The following ARHGAP6 variants were observed in gnomAD, a reference collection of about 807,000 sequenced individuals.
The protein encoded by ARHGAP6 is Rho GTPase activating protein 6.
Under a neutral mutation model 55.7 loss-of-function variants are expected in ARHGAP6, and 16 were observed. The ratio of observed to expected loss-of-function variants is 0.29; its 90% CI spans 0.19 to 0.44. ARHGAP6 has a LOEUF of 0.44. Among genes scored for constraint, ARHGAP6 ranks in the 20% least tolerant of loss-of-function variants. The pLI is 1.00. For missense variants in ARHGAP6, 698 were observed against 808.9 expected (o/e 0.86, Z 1.66); for synonymous variants, 382 against 360.9 (o/e 1.06, Z -0.66).
chrX:11,580,662 G>A (rs751884284), intron 1 of ARHGAP6, among the ~76,000 whole-genome samples: 5 of 111,700 alleles, frequency 4.5e-5, no homozygotes, highest in Non-Finnish European at 7.5e-5. Flanking sequence ...ACAAGTATTC[G>A]AGAAAAAAAG....
intron 1 of ARHGAP6, among the ~76,000 whole-genome samples, chrX:11,572,947 A>G (rs767524345): frequency 8.3e-4 from 93 of 112,149 alleles, no homozygotes; most frequent in South Asian, 7.5e-3. Flanking sequence ...CAGTGATGAT[A>G]CGCATTTTTT....
At chrX:11,234,011 C>T (rs1408845471) in intron 2 of ARHGAP6, among the ~76,000 whole-genome samples, 1 of 112,434 alleles carries the variant, frequency 8.9e-6, no homozygotes, top group African/African-American at 3.2e-5. Flanking sequence ...CGTTTATACA[C>T]ATATGTATTT....
intron 1 of ARHGAP6, among the ~76,000 whole-genome samples, chrX:11,645,090 G>A (rs2052512987): frequency 9.0e-6 from 1 of 111,652 alleles, no homozygotes; most frequent in Admixed American, 9.5e-5. Context: ...GTCTCAAAAG[G>A]CTAAATACTG....
chrX:11,314,092 A>T (rs1241424492), intron 1 of ARHGAP6, among the ~76,000 whole-genome samples: 1 of 112,755 alleles, frequency 8.9e-6, no homozygotes, highest in African/African-American at 3.2e-5. Flanking sequence ...AATACTTGTT[A>T]AGAGAACAAA....
intron 2 of ARHGAP6, among the ~76,000 whole-genome samples, chrX:11,248,132 A>G (rs1274603188): frequency 8.9e-6 from 1 of 111,902 alleles, no homozygotes; most frequent in Non-Finnish European, 1.9e-5. Context: ...CTAAATGGAT[A>G]TACAGGAGGG....
chrX:11,621,130 C>G (rs907378432), intron 1 of ARHGAP6, among the ~76,000 whole-genome samples: 39 of 111,205 alleles, frequency 3.5e-4, no homozygotes, highest in African/African-American at 1.2e-3. Flanking sequence ...GAAGCTCATA[C>G]AGAGAGAGAA....
At chrX:11,297,593 A>G (rs959443410) in intron 1 of ARHGAP6, among the ~76,000 whole-genome samples, 1 of 112,151 alleles carries the variant, frequency 8.9e-6, no homozygotes, top group African/African-American at 3.2e-5. Context: ...CCAAGTATAT[A>G]TACTGTTCAG....
At chrX:11,514,613 T>G (rs1390919304) in intron 1 of ARHGAP6, among the ~76,000 whole-genome samples, 1 of 110,718 alleles carries the variant, frequency 9.0e-6, no homozygotes, top group Non-Finnish European at 1.9e-5. Flanking sequence ...TGGCCTCTTA[T>G]GCCTACTATA....
intron 2 of ARHGAP6, among the ~76,000 whole-genome samples, chrX:11,199,621 A>G (rs2046591345): frequency 8.9e-6 from 1 of 112,650 alleles, no homozygotes; most frequent in Non-Finnish European, 1.9e-5. Context: ...TCCCACAAAT[A>G]TGAGAGTTTA....
chrX:11,460,345 C>A (rs1057062449), intron 1 of ARHGAP6, among the ~76,000 whole-genome samples: 1 of 111,176 alleles, frequency 9.0e-6, no homozygotes, highest in Non-Finnish European at 1.9e-5. Context: ...TAGATTTTGC[C>A]ATCAACATGA....
In ARHGAP6 at chrX:11,240,716, T is replaced by C. The variant is rs1401224368; in HGVS notation, c.748+13832A>G. On this transcript the variant is annotated intron_variant, in intron 2 of 12. Transcript: ENST00000337414. ...ATCTCTGCCTTTGAAAAATTCAAAA[T>C]TCAGTGCTAGAGATAGACATGTGGA... Among the ~76,000 whole-genome samples the C allele has an allele frequency of 2.7e-5, 3 of 110,605 alleles. No homozygotes were observed. In the Admixed American group the frequency reaches 2.9e-4, roughly 11 times the overall value.
intron 10 of ARHGAP6, among the ~76,000 whole-genome samples, chrX:11,156,215 A>G (rs1276626680): frequency 1.8e-5 from 2 of 112,464 alleles, no homozygotes; most frequent in Non-Finnish European, 3.7e-5. Flanking sequence ...AAGTAGAATC[A>G]TTGACGTGTA....
At chrX:11,539,544 C>T (rs1445739040) in intron 1 of ARHGAP6, among the ~76,000 whole-genome samples, 1 of 112,082 alleles carries the variant, frequency 8.9e-6, no homozygotes, top group Non-Finnish European at 1.9e-5. Context: ...CGCTAACCAT[C>T]CACATGGGCA....
chrX:11,239,477 A>G (rs2047246069), intron 2 of ARHGAP6, among the ~76,000 whole-genome samples: 1 of 110,981 alleles, frequency 9.0e-6, no homozygotes, highest in Admixed American at 9.6e-5. Context: ...GAAAGAAAAC[A>G]TGTGCCTAAG....
chrX:11,487,139 A>C (rs2050519485), intron 1 of ARHGAP6, among the ~76,000 whole-genome samples: 1 of 112,510 alleles, frequency 8.9e-6, no homozygotes. Flanking sequence ...ATACATAGAG[A>C]TAGATACAGA....
intron 1 of ARHGAP6, among the ~76,000 whole-genome samples, chrX:11,320,042 C>T (rs892651072): frequency 1.8e-5 from 2 of 112,131 alleles, no homozygotes; most frequent in Non-Finnish European, 3.8e-5. Context: ...TCCACCATAT[C>T]ACTTCAAGTA....
At chrX:11,427,795 G>A (rs913786235) in intron 1 of ARHGAP6, 10 of 755,063 alleles carry the variant, frequency 1.3e-5, no homozygotes, top group African/African-American at 4.8e-5. Context: ...AGAAGGCAGC[G>A]GCGCGAAGGG....
chrX:11,225,678 C>A, intron 2 of ARHGAP6: 1 of 633,975 alleles, frequency 1.6e-6, no homozygotes, highest in Non-Finnish European at 2.4e-6. Flanking sequence ...GAGAATATTT[C>A]AAGAGCAACA....
intron 1 of ARHGAP6, among the ~76,000 whole-genome samples, chrX:11,629,255 T>C (rs2052334244): frequency 9.0e-6 from 1 of 111,659 alleles, no homozygotes; most frequent in Non-Finnish European, 1.9e-5. Flanking sequence ...GTATTTGCAA[T>C]TCATGAGTGT....
Sources: allele counts gnomAD v4.1 joint callset (sites outside exome capture counted in the v4.1 genomes callset), GRCh38; gene constraint gnomAD v4.1.1; transcripts MANE v1.5; gene names NCBI Gene and HGNC (gene_info 2026-07-23, HGNC 2026-07-21).